PTPRN2: variants seen among roughly 807,000 people sequenced by gnomAD.
The protein encoded by PTPRN2 is protein tyrosine phosphatase receptor type N2, also known as receptor-type tyrosine-protein phosphatase N2.
In PTPRN2, 74 loss-of-function variants were observed where a neutral mutation model predicts 118.8. The ratio of observed to expected loss-of-function variants is 0.62; its 90% CI spans 0.52 to 0.76. The LOEUF (loss-of-function observed/expected upper bound fraction) is 0.76. Among genes scored for constraint, PTPRN2 ranks in the 30% least tolerant of loss-of-function variants. The pLI, the probability that PTPRN2 is intolerant of heterozygous loss-of-function variation, is 0.00. For synonymous variants in PTPRN2, 641 were observed against 608.0 expected, an observed-to-expected ratio of 1.05 and a Z score of -0.80; for missense variants, 1,481 against 1,394.4, an observed-to-expected ratio of 1.06 and a Z score of -0.99.
intron 3 of PTPRN2, among the ~76,000 whole-genome samples, chr7:158,220,347 A>G (rs1293417186): frequency 6.6e-5 from 10 of 152,098 alleles, no homozygotes; most frequent in Non-Finnish European, 1.5e-4. Context: ...AAGAAATAAA[A>G]GGTATCCAAA....
At chr7:158,271,155 G>A (rs1798491815) in intron 3 of PTPRN2, among the ~76,000 whole-genome samples, 1 of 142,872 alleles carries the variant, frequency 7.0e-6, no homozygotes, top group Non-Finnish European at 1.5e-5. Flanking sequence ...GAGTAACTGT[G>A]GGATGGAAAC....
intron 9 of PTPRN2, among the ~76,000 whole-genome samples, chr7:158,114,685 G>A (rs1816581025): frequency 6.6e-6 from 1 of 152,168 alleles, no homozygotes; most frequent in Non-Finnish European, 1.5e-5. Flanking sequence ...GCAAACCCCA[G>A]GGAAAAGAGA....
chr7:158,342,223 C>T (rs1234969863), intron 2 of PTPRN2, among the ~76,000 whole-genome samples: 3 of 136,666 alleles, frequency 2.2e-5, no homozygotes, highest in Non-Finnish European at 4.6e-5. Flanking sequence ...GTCACTCACA[C>T]TCACACTCTC....
At chr7:157,812,348 C>CT (rs1255841277) in intron 12 of PTPRN2, among the ~76,000 whole-genome samples, 1 of 152,086 alleles carries the variant, frequency 6.6e-6, no homozygotes, top group African/African-American at 2.4e-5. Flanking sequence ...CGCTTTTTGT[C>CT]TTTCTTTCCT....
chr7:158,525,107 A>G lies in PTPRN2; in HGVS notation c.113-35322T>C, dbSNP rs534237209. On this transcript the variant is annotated intron_variant, in intron 1 of 22. Coordinates refer to ENST00000389418, the MANE Select transcript of PTPRN2 (RefSeq NM_002847.5). This position sits in a 1 kb window ranked among gnomAD's most constrained non-coding sequence, Gnocchi z 4.1. Reference sequence around the variant, plus strand: ...GACTGAACCCTCAAGCTGGCCCTCCATGCGAAGAAATGCTGCGTCCCAGGC... The same window carrying G: ...GACTGAACCCTCAAGCTGGCCCTCCGTGCGAAGAAATGCTGCGTCCCAGGC... Among the ~76,000 whole-genome samples, 16 of 152,196 alleles carry G rather than the reference A, an allele frequency of 1.1e-4. No individual in the cohort carries two copies. The highest frequency in any genetic ancestry group is 3.9e-4 in the African/African-American group (16 of 41,528).
intron 2 of PTPRN2, among the ~76,000 whole-genome samples, chr7:158,345,217 A>G (rs1226662685): frequency 1.8e-4 from 27 of 152,206 alleles, no homozygotes; most frequent in Admixed American, 1.7e-3. Context: ...TTGAAACTAA[A>G]GAAGTCATCT....
chr7:157,711,399 G>A (rs1422005021), intron 12 of PTPRN2, among the ~76,000 whole-genome samples: 3 of 136,700 alleles, frequency 2.2e-5, no homozygotes, highest in Non-Finnish European at 4.8e-5. Flanking sequence ...CCCACGCGCC[G>A]GAGGTTCCGG....
At chr7:157,547,651 G>A (rs1798388895) in intron 22 of PTPRN2, among the ~76,000 whole-genome samples, 1 of 152,136 alleles carries the variant, frequency 6.6e-6, no homozygotes, top group South Asian at 2.1e-4. Context: ...GCTTCTCCCC[G>A]CGGGACACTG....
At chr7:158,577,440 G>A (rs139446477) in intron 1 of PTPRN2, among the ~76,000 whole-genome samples, 1,422 of 141,546 alleles carry the variant, frequency 0.01, 29 homozygotes, top group African/African-American at 0.037. Context: ...ACAACACTGA[G>A]GGCTGCCCAC....
intron 3 of PTPRN2, among the ~76,000 whole-genome samples, chr7:158,270,808 A>G (rs1252028243): frequency 2.4e-4 from 1 of 4,124 alleles, no homozygotes; most frequent in African/African-American, 1.3e-3. Context: ...CCACCCCCTC[A>G]CCTGGACCGC....
rs1211199905 is a variant in PTPRN2 at position 158,345,932 on chromosome 7, A to G, written c.164-29000T>C. 2.0e-5 allele frequency among the ~76,000 whole-genome samples: 3 copies of G among 152,086 alleles called. No homozygotes were observed. The East Asian group carries it at 5.8e-4, about 29-fold the overall frequency. ...CAGCTCTCATGAGAACTCCCTCACT[A>G]TCACGAGAACAGCGTGGTGGAAACC... On this transcript the variant is annotated intron_variant, in intron 2 of 22. Transcript: ENST00000389418.
intron 12 of PTPRN2, among the ~76,000 whole-genome samples, chr7:157,703,429 TAGGG>T (rs1798176215): frequency 6.6e-6 from 1 of 152,120 alleles, no homozygotes. Flanking sequence ...GCACAGCCTA[TAGGG>T]ACGCAGCTGG....
At chr7:158,070,914 ATGGTGCTGGAGGTGCTCC>A (rs1811323963) in intron 11 of PTPRN2, among the ~76,000 whole-genome samples, 1 of 38,864 alleles carries the variant, frequency 2.6e-5, no homozygotes, top group Non-Finnish European at 4.5e-5. Context: ...GGAGGTGCCC[ATGGTGCTGGAGGTGCTCC>A]TGGTGGTGGA....
At chr7:157,623,588 A>G (rs1416613576) in intron 14 of PTPRN2, among the ~76,000 whole-genome samples, 1 of 152,230 alleles carries the variant, frequency 6.6e-6, no homozygotes, top group Non-Finnish European at 1.5e-5. Context: ...AAATTCTCAC[A>G]TTTATCTTAA....
intron 12 of PTPRN2, among the ~76,000 whole-genome samples, chr7:157,847,915 A>G (rs1383753978): frequency 2.8e-5 from 4 of 145,254 alleles, no homozygotes; most frequent in Non-Finnish European, 6.0e-5. Flanking sequence ...CTCTCATTAC[A>G]TCATGTGTGC....
chr7:158,575,641 C>T (rs1828281064), intron 1 of PTPRN2, among the ~76,000 whole-genome samples: 1 of 152,336 alleles, frequency 6.6e-6, no homozygotes, highest in African/African-American at 2.4e-5. Context: ...GCTTGGATTA[C>T]AGGCATGAGC....
intron 2 of PTPRN2, among the ~76,000 whole-genome samples, chr7:158,476,611 G>A (rs568284427): frequency 1.3e-5 from 2 of 152,384 alleles, no homozygotes; most frequent in East Asian, 3.9e-4. Flanking sequence ...GTGCCGCCAA[G>A]GGGCCTGAGA....
rs557995240 is a variant in PTPRN2, at chr7:158,071,018, C to T, written c.1723+10280G>A. Among the ~76,000 whole-genome samples the T allele has an allele frequency of 2.6e-4, 16 of 62,532 alleles. No individual in the cohort carries two copies. In the East Asian group the frequency reaches 4.6e-3, roughly 18 times the overall value. 41.0% of individuals were successfully genotyped at this position (62,532 alleles called of 152,430 possible). On this transcript the variant is annotated intron_variant, in intron 11 of 22. Coordinates refer to ENST00000389418, the MANE Select transcript of PTPRN2 (RefSeq NM_002847.5). ...AGGTGCTCATGGTGGTGGAGGTGCT[C>T]GTGGTGGAGGTGCTCTTAGTATGGA...
chr7:157,993,649 T>A (rs1804425136), intron 11 of PTPRN2, among the ~76,000 whole-genome samples: 1 of 152,046 alleles, frequency 6.6e-6, no homozygotes, highest in Non-Finnish European at 1.5e-5. Flanking sequence ...TCCACTTTCA[T>A]GCAAGAGAGG....
Sources: gnomAD v4.1 joint callset for allele counts (sites outside exome capture counted in the v4.1 genomes callset) on GRCh38, gnomAD v4.1.1 for gene constraint, Gnocchi (gnomAD v3.1) non-coding constraint, MANE v1.5 for transcripts, NCBI Gene and HGNC (gene_info 2026-07-23, HGNC 2026-07-21) for gene names.